Variants in PSD3 observed in about 807,000 individuals in gnomAD.
PSD3 encodes the protein PH and SEC7 domain-containing protein 3.
In PSD3, 49 loss-of-function variants were observed where a neutral mutation model predicts 105.5. The observed-to-expected ratio is 0.46, with a 90% CI of 0.37 to 0.59. PSD3 has a LOEUF of 0.59. Among genes scored for constraint, PSD3 ranks in the 20% least tolerant of loss-of-function variants. PSD3 has a pLI of 0.00. For missense variants in PSD3, 1,561 were observed against 1,263.8 expected, an observed-to-expected ratio of 1.24 and a Z score of -3.57; for synonymous variants, 557 against 457.8, an observed-to-expected ratio of 1.22 and a Z score of -2.77.
intron 1 of PSD3, among the ~76,000 whole-genome samples, chr8:18,970,193 C>T (rs552287017): frequency 4.6e-5 from 7 of 151,180 alleles, no homozygotes; most frequent in Non-Finnish European, 7.4e-5. Flanking sequence ...GGCGTGGTGG[C>T]GGGCACCTGT....
chr8:19,052,291 G>T (rs1445308287), intron 1 of PSD3, among the ~76,000 whole-genome samples: 1 of 152,092 alleles, frequency 6.6e-6, no homozygotes, highest in Non-Finnish European at 1.5e-5. Context: ...GACTAACACA[G>T]TGAAACCTCA....
intron 1 of PSD3, among the ~76,000 whole-genome samples, chr8:19,029,183 G>A (rs1009110172): frequency 6.6e-6 from 1 of 152,172 alleles, no homozygotes; most frequent in Admixed American, 6.5e-5. Flanking sequence ...CAATATATTA[G>A]TTTCATTAAA....
chr8:18,579,096 C>CCACACACACACACACACACA (rs3988324), intron 12 of PSD3, among the ~76,000 whole-genome samples: 9 of 143,556 alleles, frequency 6.3e-5, no homozygotes, highest in Admixed American at 3.5e-4. Context: ...AGCTCCAAGT[C>CCACACACACACACACACACA]CACACACACA....
At chr8:18,814,221 T>TA (rs199860460) in intron 4 of PSD3, among the ~76,000 whole-genome samples, 1 of 152,232 alleles carries the variant, frequency 6.6e-6, no homozygotes, top group Non-Finnish European at 1.5e-5. Context: ...AAAATTTTAG[T>TA]AAGCATCACA....
intron 8 of PSD3, chr8:18,786,852 T>C (rs1173324297): frequency 2.0e-5 from 3 of 152,244 alleles, no homozygotes; most frequent in African/African-American, 7.2e-5. Flanking sequence ...GCAAGAATTA[T>C]TAGGAACAAA....
rs1339851257 is a variant in PSD3, at chr8:18,799,161, T to A, written c.2082+134A>T. On this transcript the variant is annotated intron_variant, in intron 8 of 15. Coordinates refer to ENST00000327040, the MANE Select transcript of PSD3 (RefSeq NM_015310.4). ...AAAAATTATTTCTTTTTTCAAAGAT[T>A]TCTTTTTATTCACCTGCCATGGGAA... 5 of 758,590 alleles carry A rather than the reference T, an allele frequency of 6.6e-6. No individual in the cohort carries two copies. In the African/African-American group the frequency reaches 8.9e-5, roughly 13 times the overall value. 47.0% of individuals were successfully genotyped at this position (758,590 alleles called of 1,614,324 possible). A position where few individuals can be genotyped will look rare whatever the true frequency, so the allele number is the denominator to read the frequency against.
At chr8:18,824,723 A>T (rs897698439) in intron 4 of PSD3, among the ~76,000 whole-genome samples, 2 of 152,158 alleles carry the variant, frequency 1.3e-5, no homozygotes, top group Non-Finnish European at 2.9e-5. Flanking sequence ...GAAGCAGTGA[A>T]TAAGAACAGA....
At chr8:18,677,959 G>T (rs1336349315) in intron 9 of PSD3, among the ~76,000 whole-genome samples, 10 of 148,690 alleles carry the variant, frequency 6.7e-5, no homozygotes, top group Non-Finnish European at 1.5e-4. Context: ...GCAGTGAGCC[G>T]AGATCAGGCC....
At chr8:18,973,605 C>G (rs1002283488) in intron 1 of PSD3, among the ~76,000 whole-genome samples, 56 of 152,168 alleles carry the variant, frequency 3.7e-4, no homozygotes, top group African/African-American at 1.3e-3. Context: ...ACAGTCAGCA[C>G]ACTATGGGTT....
chr8:18,627,404 C>G (rs1806565602), intron 11 of PSD3, among the ~76,000 whole-genome samples: 1 of 151,972 alleles, frequency 6.6e-6, no homozygotes, highest in East Asian at 1.9e-4. Flanking sequence ...TAGCATCGAT[C>G]TTAGCACTAG....
chr8:18,912,137 T>C (rs1476473208), intron 2 of PSD3, among the ~76,000 whole-genome samples: 2 of 152,206 alleles, frequency 1.3e-5, no homozygotes, highest in Non-Finnish European at 1.5e-5. Context: ...AAAATGTCCA[T>C]CTGAGAAGTT....
chr8:18,772,035 C>G (rs1218558415), intron 8 of PSD3, among the ~76,000 whole-genome samples: 2 of 152,142 alleles, frequency 1.3e-5, no homozygotes, highest in Non-Finnish European at 2.9e-5. Flanking sequence ...CAAGGTTCAT[C>G]CATGTTGTAG....
intron 4 of PSD3, among the ~76,000 whole-genome samples, chr8:18,820,503 A>C (rs1812606559): frequency 5.9e-5 from 9 of 151,976 alleles, no homozygotes; most frequent in Admixed American, 5.9e-4. Flanking sequence ...ACCTATATAC[A>C]CTCTGCTGTA....
intron 9 of PSD3, among the ~76,000 whole-genome samples, chr8:18,754,237 A>C (rs544945506): frequency 6.6e-6 from 1 of 152,196 alleles, no homozygotes; most frequent in African/African-American, 2.4e-5. Context: ...TACAAAAATT[A>C]GGAGGGCGTG....
At chr8:18,676,038 A>C (rs770350132) in intron 9 of PSD3, among the ~76,000 whole-genome samples, 44 of 152,218 alleles carry the variant, frequency 2.9e-4, no homozygotes, top group African/African-American at 1.4e-4. Flanking sequence ...TGATGCTACG[A>C]AACTCCCTGA....
chr8:18,551,840 T>C (rs1380765520), intron 15 of PSD3, among the ~76,000 whole-genome samples: 1 of 152,120 alleles, frequency 6.6e-6, no homozygotes, highest in Non-Finnish European at 1.5e-5. Context: ...GGACTATTAA[T>C]TCCAAGCCCA....
intron 1 of PSD3, among the ~76,000 whole-genome samples, chr8:18,993,863 A>AATCC (rs898091753): frequency 1.4e-4 from 22 of 151,828 alleles, no homozygotes; most frequent in African/African-American, 5.1e-4. Context: ...TGATTATATC[A>AATCC]AACAATTTGA....
intron 1 of PSD3, among the ~76,000 whole-genome samples, chr8:18,969,313 C>G (rs1344448532): frequency 6.6e-6 from 1 of 152,144 alleles, no homozygotes; most frequent in Non-Finnish European, 1.5e-5. Flanking sequence ...TGTCTTAATT[C>G]AAACCTGAAA....
chr8:18,814,277 TCA>T (rs1413234722), intron 4 of PSD3, among the ~76,000 whole-genome samples: 1 of 152,098 alleles, frequency 6.6e-6, no homozygotes, highest in Non-Finnish European at 1.5e-5. Flanking sequence ...CTTCCAAATC[TCA>T]GTCCTTTTTC....
Sources: gnomAD v4.1 joint callset for allele counts (sites outside exome capture counted in the v4.1 genomes callset) on GRCh38, gnomAD v4.1.1 for gene constraint, MANE v1.5 for transcripts, NCBI Gene and HGNC (gene_info 2026-07-23, HGNC 2026-07-21) for gene names.